The following ASIC2 variants were observed in gnomAD, a reference collection of about 807,000 sequenced individuals.
The protein encoded by ASIC2 is acid sensing ion channel subunit 2.
ASIC2 carries 25 observed loss-of-function variants against 57.3 expected under a neutral mutation model. The ratio of observed to expected loss-of-function variants is 0.44; its 90% CI spans 0.32 to 0.61. The LOEUF is 0.61. Among genes scored for constraint, ASIC2 ranks in the 20% least tolerant of loss-of-function variants. The pLI, the probability that ASIC2 is intolerant of heterozygous loss-of-function variation, is 0.06. For missense variants in ASIC2, 641 were observed against 738.1 expected (o/e 0.87, Z 1.52); for synonymous variants, 319 against 307.5 (o/e 1.04, Z -0.39).
intron 1 of ASIC2, among the ~76,000 whole-genome samples, chr17:33,324,269 A>G (rs1009600308): frequency 6.6e-6 from 1 of 151,796 alleles, no homozygotes; most frequent in East Asian, 2.0e-4. Flanking sequence ...TTTCAGAAGC[A>G]GAACAAGGTT....
intron 1 of ASIC2, among the ~76,000 whole-genome samples, chr17:34,011,936 T>C (rs773299806): frequency 3.3e-5 from 5 of 152,138 alleles, no homozygotes; most frequent in Non-Finnish European, 5.9e-5. Flanking sequence ...GCACCTGACA[T>C]CTCAGGTCAA....
chr17:33,096,717 C>G (rs925282842), intron 2 of ASIC2, among the ~76,000 whole-genome samples: 1 of 152,086 alleles, frequency 6.6e-6, no homozygotes, highest in Non-Finnish European at 1.5e-5. Context: ...AGGTGTGGCT[C>G]GCTTGGTTGG....
At chr17:33,672,084 C>G (rs1907655559) in intron 1 of ASIC2, among the ~76,000 whole-genome samples, 1 of 152,112 alleles carries the variant, frequency 6.6e-6, no homozygotes, top group Non-Finnish European at 1.5e-5. Context: ...TCCATCTCTG[C>G]ACAAATGAAA....
At chr17:33,190,872 C>T (rs563454665) in intron 1 of ASIC2, among the ~76,000 whole-genome samples, 2 of 152,246 alleles carry the variant, frequency 1.3e-5, no homozygotes, top group East Asian at 3.9e-4. Context: ...GCACATGCTG[C>T]CAGGGATGTA....
chr17:33,253,712 A>G (rs1908961791), intron 1 of ASIC2, among the ~76,000 whole-genome samples: 1 of 152,200 alleles, frequency 6.6e-6, no homozygotes, highest in Non-Finnish European at 1.5e-5. Context: ...CACGAAAAGA[A>G]GAGGAAAGTG....
At chr17:33,050,955 A>C (rs1187137420) in intron 3 of ASIC2, among the ~76,000 whole-genome samples, 2 of 152,152 alleles carry the variant, frequency 1.3e-5, no homozygotes, top group South Asian at 2.1e-4. Context: ...GGAGACATGA[A>C]GAAACTTGCT....
At chr17:33,126,285 T>C (rs535757338) in intron 1 of ASIC2, among the ~76,000 whole-genome samples, 1 of 152,336 alleles carries the variant, frequency 6.6e-6, no homozygotes, top group South Asian at 2.1e-4. Context: ...TCATGTGACC[T>C]TGGGTCAGTT....
intron 1 of ASIC2, among the ~76,000 whole-genome samples, chr17:33,317,961 G>A (rs1345704592): frequency 6.6e-6 from 1 of 151,538 alleles, no homozygotes; most frequent in Non-Finnish European, 1.5e-5. Context: ...TGTAGGTGGG[G>A]CAAGGAGAAA....
chr17:34,039,175 C>T, intron 1 of ASIC2: 3 of 1,613,948 alleles, frequency 1.9e-6, no homozygotes, highest in Non-Finnish European at 2.5e-6. Flanking sequence ...ATCTATTCTT[C>T]CCTCCTTCTT....
intron 1 of ASIC2, among the ~76,000 whole-genome samples, chr17:33,740,030 A>G (rs949150813): frequency 2.0e-5 from 3 of 152,046 alleles, no homozygotes; most frequent in African/African-American, 7.2e-5. Context: ...GAAAGAAAGA[A>G]AAAAAAGAAC....
At chr17:34,037,986 C>G in intron 1 of ASIC2, 2 of 1,613,638 alleles carry the variant, frequency 1.2e-6, no homozygotes, top group Non-Finnish European at 1.7e-6. Context: ...GGTTCTTTCC[C>G]AACCACAAAA....
intron 1 of ASIC2, among the ~76,000 whole-genome samples, chr17:33,776,386 A>G (rs1911279425): frequency 6.6e-6 from 1 of 152,224 alleles, no homozygotes; most frequent in Non-Finnish European, 1.5e-5. Flanking sequence ...GGCTTTCACC[A>G]GACACCAACT....
intron 2 of ASIC2, among the ~76,000 whole-genome samples, chr17:33,097,646 T>C (rs1457360523): frequency 6.6e-6 from 1 of 152,216 alleles, no homozygotes. Flanking sequence ...AGAAGCCACA[T>C]TGGTGCCAGA....
At chr17:33,585,437 T>A (rs1291856347) in intron 1 of ASIC2, among the ~76,000 whole-genome samples, 3 of 152,238 alleles carry the variant, frequency 2.0e-5, no homozygotes, top group African/African-American at 7.2e-5. Flanking sequence ...TGAGAAATCA[T>A]TAAGTTAAAC....
intron 1 of ASIC2, among the ~76,000 whole-genome samples, chr17:33,890,040 A>T (rs1197786989): frequency 6.6e-6 from 1 of 152,108 alleles, no homozygotes; most frequent in African/African-American, 2.4e-5. Context: ...TCTCTCTCTA[A>T]AGGTGCACTG....
chr17:33,081,070 C>T (rs922266594), intron 3 of ASIC2, among the ~76,000 whole-genome samples: 1 of 152,102 alleles, frequency 6.6e-6, no homozygotes, highest in African/African-American at 2.4e-5. Context: ...TTTATCTCCT[C>T]CTAAGACTGG....
intron 1 of ASIC2, among the ~76,000 whole-genome samples, chr17:33,769,698 A>C (rs1911038492): frequency 6.6e-6 from 1 of 152,246 alleles, no homozygotes; most frequent in South Asian, 2.1e-4. Context: ...AAGAAGCTTG[A>C]GTCTGGAGGA....
At chr17:33,129,157 GC>G (rs1313351455) in intron 1 of ASIC2, among the ~76,000 whole-genome samples, 2 of 152,224 alleles carry the variant, frequency 1.3e-5, no homozygotes, top group Non-Finnish European at 2.9e-5. Context: ...GTGTGGCCCT[GC>G]CCTATAGAGC....
chr17:33,055,807 G>A (rs1046948919), intron 3 of ASIC2, among the ~76,000 whole-genome samples: 1 of 152,122 alleles, frequency 6.6e-6, no homozygotes, highest in Admixed American at 6.5e-5. Context: ...AAGCGACTGC[G>A]CCATGTTCTC....
Sources: allele counts gnomAD v4.1 joint callset (sites outside exome capture counted in the v4.1 genomes callset), GRCh38; gene constraint gnomAD v4.1.1; transcripts MANE v1.5; gene names NCBI Gene and HGNC (gene_info 2026-07-23, HGNC 2026-07-21).